The following AFF3 variants were observed in gnomAD, a reference collection of about 807,000 sequenced individuals.
AFF3 encodes ALF transcription elongation factor 3, also known as AF4/FMR2 family member 3.
A neutral mutation model predicts 129.7 loss-of-function variants in AFF3; 32 were observed. The ratio of observed to expected loss-of-function variants is 0.25; its 90% CI spans 0.19 to 0.33. AFF3 has a LOEUF of 0.33. AFF3 is among the 10% of genes least tolerant of loss of function. The pLI, the probability that AFF3 is intolerant of heterozygous loss-of-function variation, is 1.00. For missense variants in AFF3, 1,373 were observed against 1,592.0 expected, an observed-to-expected ratio of 0.86 and a Z score of 2.34; for synonymous variants, 644 against 635.4, an observed-to-expected ratio of 1.01 and a Z score of -0.20.
chr2:99,775,048 C>T (rs1457602005), intron 8 of AFF3, among the ~76,000 whole-genome samples: 2 of 152,180 alleles, frequency 1.3e-5, no homozygotes, highest in Non-Finnish European at 1.5e-5. Flanking sequence ...GAGATATCAT[C>T]TCACGTCAGT....
intron 15 of AFF3, 22 bp downstream of exon 15, chr2:99,593,173 C>A: frequency 3.2e-6 from 5 of 1,545,704 alleles, no homozygotes; most frequent in Non-Finnish European, 4.4e-6. Context: ...CGCCCCCGCA[C>A]CCCAGTCAGC....
intron 4 of AFF3, among the ~76,000 whole-genome samples, chr2:100,050,381 CGATCATAGCTCACTGAAGTCTT>C (rs1474628301): frequency 3.3e-5 from 5 of 151,988 alleles, no homozygotes; most frequent in African/African-American, 1.2e-4. Flanking sequence ...TGCAGTGGCA[CGATCATAGCTCACTGAAGTCTT>C]GATCATAGCT....
chr2:99,825,059 T>C (rs1687969361), intron 8 of AFF3, among the ~76,000 whole-genome samples: 1 of 152,154 alleles, frequency 6.6e-6, no homozygotes, highest in Non-Finnish European at 1.5e-5. Flanking sequence ...CCCTGCATTT[T>C]CCCAATACTT....
chr2:99,621,370 A>G (rs1010581782), intron 13 of AFF3, among the ~76,000 whole-genome samples: 1 of 152,240 alleles, frequency 6.6e-6, no homozygotes, highest in Admixed American at 6.5e-5. Context: ...AATTCTCATC[A>G]TAACTAAGTC....
intron 19 of AFF3, 35 bp from the exon 20 acceptor site, chr2:99,565,658 C>A: frequency 6.3e-7 from 1 of 1,588,434 alleles, no homozygotes; most frequent in Non-Finnish European, 8.6e-7. Flanking sequence ...TCTTCCTAAA[C>A]AATAGTTTTT....
At chr2:99,821,651 AT>A (rs1384505396) in intron 8 of AFF3, among the ~76,000 whole-genome samples, 1 of 152,130 alleles carries the variant, frequency 6.6e-6, no homozygotes, top group Non-Finnish European at 1.5e-5. Flanking sequence ...GCTCCTTGTC[AT>A]TCTCAACTGT....
intron 11 of AFF3, among the ~76,000 whole-genome samples, chr2:99,675,991 T>TTC (rs987357207): frequency 1.3e-5 from 2 of 151,608 alleles, no homozygotes; most frequent in African/African-American, 4.9e-5. Flanking sequence ...CTGTTTTTTT[T>TTC]TTTTTTTAAA....
chr2:99,609,955 C>T (rs571315665), intron 13 of AFF3, among the ~76,000 whole-genome samples: 2 of 152,314 alleles, frequency 1.3e-5, no homozygotes, highest in Non-Finnish European at 2.9e-5. Context: ...GATTGACCAA[C>T]CTTACAACAT....
At chr2:99,944,246 C>T (rs910030839) in intron 7 of AFF3, among the ~76,000 whole-genome samples, 2 of 152,182 alleles carry the variant, frequency 1.3e-5, no homozygotes, top group Non-Finnish European at 2.9e-5. Flanking sequence ...TGACCAAGTA[C>T]GGCCTATCTG....
At chr2:99,911,442 G>C (rs1174028983) in intron 7 of AFF3, among the ~76,000 whole-genome samples, 2 of 151,954 alleles carry the variant, frequency 1.3e-5, no homozygotes, top group Admixed American at 1.3e-4. Context: ...GGGACAGGCA[G>C]TGCAAAGGAT....
At chr2:99,979,112 T>C (rs1364938885) in intron 7 of AFF3, among the ~76,000 whole-genome samples, 1 of 152,096 alleles carries the variant, frequency 6.6e-6, no homozygotes, top group Non-Finnish European at 1.5e-5. Flanking sequence ...TTAATAGATA[T>C]ATTTGCTTGC....
chr2:99,968,218 G>A (rs147291344), intron 7 of AFF3, among the ~76,000 whole-genome samples: 2 of 152,298 alleles, frequency 1.3e-5, no homozygotes, highest in Non-Finnish European at 2.9e-5. Flanking sequence ...GTGCCATCCT[G>A]TTCTTCTGGC....
chr2:100,008,985 AGCC>A, intron 4 of AFF3, 53 bp from the exon 5 acceptor site: 1 of 1,596,018 alleles, frequency 6.3e-7, no homozygotes, highest in South Asian at 1.1e-5. Context: ...TAAACTGTAA[AGCC>A]CAATGTAACA....
chr2:99,954,630 T>C (rs532855623), intron 7 of AFF3, among the ~76,000 whole-genome samples: 214 of 151,398 alleles, frequency 1.4e-3, no homozygotes, highest in African/African-American at 4.9e-3. Context: ...ATGGATGAAA[T>C]TGGAAATCAT....
intron 7 of AFF3, among the ~76,000 whole-genome samples, chr2:99,987,934 T>C (rs1680009558): frequency 6.6e-6 from 1 of 152,230 alleles, no homozygotes; most frequent in Admixed American, 6.5e-5. Context: ...TTTTATTTAA[T>C]TCAACATTAA....
intron 8 of AFF3, among the ~76,000 whole-genome samples, chr2:99,771,625 C>T (rs1683499755): frequency 6.6e-6 from 1 of 152,092 alleles, no homozygotes; most frequent in Non-Finnish European, 1.5e-5. Flanking sequence ...CTTATGATTC[C>T]CCCAATATTT....
At chr2:99,587,556 A>G (rs533005434) in intron 15 of AFF3, among the ~76,000 whole-genome samples, 1 of 152,270 alleles carries the variant, frequency 6.6e-6, no homozygotes, top group South Asian at 2.1e-4. Context: ...TCTGCCATCA[A>G]CCGGCTTAGG....
In AFF3 at chr2:99,696,615, T is replaced by C. The variant is rs1055625197; in HGVS notation, c.1092-24026A>G. Among the ~76,000 whole-genome samples the C allele has an allele frequency of 3.9e-5, 6 of 152,188 alleles. No individual in the cohort carries two copies. In the South Asian group the frequency reaches 6.2e-4, roughly 16 times the overall value. On this transcript the variant is annotated intron_variant, in intron 11 of 24. Transcript: ENST00000672756. ...GACTAACAAGCTCTGCCACATCTTA[T>C]AGCACAGCATGTGCTTTCTAACTAT...
intron 7 of AFF3, among the ~76,000 whole-genome samples, chr2:99,976,446 G>A (rs752813542): frequency 4.7e-4 from 72 of 152,274 alleles, no homozygotes; most frequent in Admixed American, 4.2e-3. Context: ...AAAAAGGTTC[G>A]TAGCATTTAT....
Sources: gnomAD v4.1 joint callset for allele counts (sites outside exome capture counted in the v4.1 genomes callset) on GRCh38, gnomAD v4.1.1 for gene constraint, MANE v1.5 for transcripts, NCBI Gene and HGNC (gene_info 2026-07-23, HGNC 2026-07-21) for gene names.